CCDC102B: variants seen among roughly 807,000 people sequenced by gnomAD.
CCDC102B encodes coiled-coil domain-containing protein 102B.
CCDC102B carries 75 observed loss-of-function variants against 57.4 expected under a neutral mutation model. The ratio of observed to expected loss-of-function variants is 1.31; its 90% confidence interval spans 1.08 to 1.58. CCDC102B has a LOEUF of 1.58. Ranked by LOEUF, CCDC102B falls within the 40% of genes most tolerant of loss-of-function variation. The pLI, the probability that CCDC102B is intolerant of heterozygous loss-of-function variation, is 0.00. For missense variants in CCDC102B, 636 were observed against 582.6 expected, an observed-to-expected ratio of 1.09 and a Z score of -0.94; for synonymous variants, 206 against 201.9, an observed-to-expected ratio of 1.02 and a Z score of -0.17.
intron 5 of CCDC102B, among the ~76,000 whole-genome samples, chr18:68,882,851 G>A (rs916918358): frequency 1.3e-5 from 2 of 152,132 alleles, no homozygotes; most frequent in African/African-American, 4.8e-5. Flanking sequence ...CATGGATGGG[G>A]CTAGAGGCCA....
At chr18:68,900,873 A>C (rs35991208) in intron 6 of CCDC102B, among the ~76,000 whole-genome samples, 1 of 151,944 alleles carries the variant, frequency 6.6e-6, no homozygotes, top group African/African-American at 2.4e-5. Flanking sequence ...CTAGGCACCC[A>C]ATAATGCCAA....
At chr18:68,718,660 A>G (rs1030097100) in intron 2 of CCDC102B, among the ~76,000 whole-genome samples, 5 of 152,200 alleles carry the variant, frequency 3.3e-5, no homozygotes, top group African/African-American at 1.2e-4. Context: ...TTTTTAATGG[A>G]TAGATATTAT....
intron 6 of CCDC102B, chr18:68,900,202 C>T (rs1297442879): frequency 5.3e-5 from 8 of 152,164 alleles, no homozygotes; most frequent in Admixed American, 3.9e-4. Flanking sequence ...AACAGAGCTT[C>T]GGTGGCAGTG....
intron 7 of CCDC102B, among the ~76,000 whole-genome samples, chr18:69,034,928 A>G (rs996451050): frequency 6.6e-5 from 10 of 152,004 alleles, no homozygotes; most frequent in African/African-American, 2.2e-4. Flanking sequence ...AGAGAAAACT[A>G]TCTCCAGCCT....
chr18:68,813,155 TTTGA>T (rs2036334605), intron 1 of CCDC102B, among the ~76,000 whole-genome samples: 4 of 152,086 alleles, frequency 2.6e-5, no homozygotes, highest in Admixed American at 2.6e-4. Flanking sequence ...GATCTGCTTG[TTTGA>T]TAAATGTATG....
At chr18:68,877,151 G>A (rs1702062239) in intron 5 of CCDC102B, among the ~76,000 whole-genome samples, 1 of 152,200 alleles carries the variant, frequency 6.6e-6, no homozygotes, top group Non-Finnish European at 1.5e-5. Flanking sequence ...AACTTAGGTT[G>A]ATGATTGAAT....
At chr18:68,715,243 C>A (rs570898827) in exon 1 of CCDC102B, 223 of 1,342,602 alleles carry the variant, frequency 1.7e-4, no homozygotes, top group Middle Eastern at 2.8e-4. Context: ...TCGGTGCCCC[C>A]CTCCACGCCC....
chr18:68,987,965 C>T (rs2050766003), intron 6 of CCDC102B, among the ~76,000 whole-genome samples: 1 of 152,120 alleles, frequency 6.6e-6, no homozygotes, highest in Admixed American at 6.6e-5. Context: ...ATTAGTTCAG[C>T]CGCTGTGGAA....
At chr18:68,790,530 G>A (rs895021439) in intron 2 of CCDC102B, among the ~76,000 whole-genome samples, 1 of 152,132 alleles carries the variant, frequency 6.6e-6, no homozygotes, top group African/African-American at 2.4e-5. Context: ...ATAATCTCGT[G>A]GTGCGCCGTT....
At chr18:68,805,389 A>G (rs9946395) in intron 1 of CCDC102B, among the ~76,000 whole-genome samples, 9,782 of 152,226 alleles carry the variant, frequency 0.064, 834 homozygotes, top group African/African-American at 0.2. Context: ...GTGTTTTCTC[A>G]AAGCCTGATC....
At chr18:68,812,789 T>A (rs1599499506) in intron 1 of CCDC102B, among the ~76,000 whole-genome samples, 1 of 152,186 alleles carries the variant, frequency 6.6e-6, no homozygotes, top group Non-Finnish European at 1.5e-5. Context: ...ACATTCCTTC[T>A]GAAGAATTAA....
chr18:68,977,595 C>A (rs574496301), intron 6 of CCDC102B, among the ~76,000 whole-genome samples: 102 of 150,692 alleles, frequency 6.8e-4, no homozygotes, highest in African/African-American at 2.4e-3. Context: ...GCACCTTAGG[C>A]TCTTTTTCTG....
At chr18:68,977,872 G>A (rs1417538773) in intron 6 of CCDC102B, among the ~76,000 whole-genome samples, 4 of 152,074 alleles carry the variant, frequency 2.6e-5, no homozygotes, top group Non-Finnish European at 4.4e-5. Context: ...ATTAATCTTT[G>A]TTTTGGCTAG....
At chr18:68,954,562 GA>G (rs1256984665) in intron 6 of CCDC102B, among the ~76,000 whole-genome samples, 1 of 152,168 alleles carries the variant, frequency 6.6e-6, no homozygotes, top group Non-Finnish European at 1.5e-5. Context: ...GGAAATAATT[GA>G]ATGGATATAA....
intron 6 of CCDC102B, among the ~76,000 whole-genome samples, chr18:68,906,641 T>C (rs2040653785): frequency 6.6e-6 from 1 of 152,242 alleles, no homozygotes; most frequent in Non-Finnish European, 1.5e-5. Flanking sequence ...TATATCTTCT[T>C]GGCAGTTATG....
intron 4 of CCDC102B, among the ~76,000 whole-genome samples, chr18:68,858,194 A>G (rs926355083): frequency 6.6e-6 from 1 of 152,216 alleles, no homozygotes; most frequent in African/African-American, 2.4e-5. Flanking sequence ...TGCATTTTCT[A>G]GAATTGTATA....
At chr18:68,840,536 G>A (rs1001306092) in intron 3 of CCDC102B, among the ~76,000 whole-genome samples, 3 of 152,078 alleles carry the variant, frequency 2.0e-5, no homozygotes, top group African/African-American at 7.2e-5. Flanking sequence ...ATTCCTAATA[G>A]AGGCAACCAA....
chr18:68,743,552 G>A (rs1279097900), intron 2 of CCDC102B, among the ~76,000 whole-genome samples: 3 of 152,142 alleles, frequency 2.0e-5, no homozygotes, highest in African/African-American at 7.2e-5. Flanking sequence ...GTTAGCACTG[G>A]GATCTCTCAA....
intron 6 of CCDC102B, among the ~76,000 whole-genome samples, chr18:68,901,646 C>T (rs921464545): frequency 2.1e-4 from 32 of 152,116 alleles, no homozygotes; most frequent in Admixed American, 2.0e-3. Flanking sequence ...TGCAATTTTC[C>T]ACATTTGCAC....
Sources: allele counts gnomAD v4.1 joint callset (sites outside exome capture counted in the v4.1 genomes callset), GRCh38; gene constraint gnomAD v4.1.1; transcripts MANE v1.5; gene names NCBI Gene and HGNC (gene_info 2026-07-23, HGNC 2026-07-21).